Variants in KMT2C observed in about 807,000 individuals in gnomAD.
KMT2C encodes the protein histone-lysine N-methyltransferase 2C.
In KMT2C, 88 loss-of-function variants were observed where a neutral mutation model predicts 507.9. The ratio of observed to expected loss-of-function variants is 0.17; its 90% confidence interval spans 0.15 to 0.21. The LOEUF is 0.21. Ranked by LOEUF, KMT2C falls within the 10% of genes least tolerant of loss-of-function variation. The pLI, the probability that KMT2C is intolerant of heterozygous loss-of-function variation, is 1.00. For synonymous variants in KMT2C, 2,049 were observed against 2,080.8 expected (o/e 0.98, Z 0.42); for missense variants, 4,954 against 5,957.8 (o/e 0.83, Z 5.55).
chr7:152,290,006 A>T (rs1186621277), intron 6 of KMT2C, among the ~76,000 whole-genome samples: 2 of 151,924 alleles, frequency 1.3e-5, no homozygotes, highest in Non-Finnish European at 2.9e-5. Context: ...GCACCACTGC[A>T]TTCCAGCCTG....
chr7:152,326,518 T>C (rs1035319551), intron 3 of KMT2C, among the ~76,000 whole-genome samples: 2 of 152,180 alleles, frequency 1.3e-5, no homozygotes, highest in African/African-American at 4.8e-5. Flanking sequence ...TGTTATCTAG[T>C]AATCTTGCTA....
intron 33 of KMT2C, 58 bp from the exon 34 acceptor site, chr7:152,185,689 A>G (rs1563308507): frequency 7.7e-7 from 1 of 1,291,852 alleles, no homozygotes; most frequent in Non-Finnish European, 1.1e-6. Flanking sequence ...GATGTGTTGT[A>G]ATAAAGAATG....
chr7:152,175,025 G>A (rs556856351), intron 38 of KMT2C, among the ~76,000 whole-genome samples: 2 of 152,190 alleles, frequency 1.3e-5, no homozygotes, highest in South Asian at 4.2e-4. Flanking sequence ...TTGGAATGTA[G>A]GAACTAAGAA....
chr7:152,381,652 G>A (rs969435766), intron 1 of KMT2C, among the ~76,000 whole-genome samples: 8 of 152,380 alleles, frequency 5.3e-5, no homozygotes, highest in African/African-American at 1.9e-4. Flanking sequence ...TAGAAGTAAA[G>A]ATACCATGAA....
chr7:152,205,395 CAAAAAA>C (rs35077313), intron 24 of KMT2C, among the ~76,000 whole-genome samples, 170 bp from the exon 25 acceptor site: 2 of 57,190 alleles, frequency 3.5e-5, no homozygotes, highest in African/African-American at 1.2e-4. Context: ...TAAAAACGAC[CAAAAAA>C]AAAAAAAAAA....
chr7:152,264,409 C>G (rs2095828939), intron 8 of KMT2C, among the ~76,000 whole-genome samples: 1 of 152,000 alleles, frequency 6.6e-6, no homozygotes, highest in Non-Finnish European at 1.5e-5. Flanking sequence ...GGAGAAATGA[C>G]CAAGAGATGA....
At chr7:152,399,064 A>T (rs2097555212) in intron 1 of KMT2C, among the ~76,000 whole-genome samples, 1 of 152,046 alleles carries the variant, frequency 6.6e-6, no homozygotes, top group African/African-American at 2.4e-5. Context: ...CCTGAGCTCA[A>T]GCGATCCACC....
chr7:152,147,399 C>T (rs2091212302), intron 52 of KMT2C, among the ~76,000 whole-genome samples: 1 of 151,908 alleles, frequency 6.6e-6, no homozygotes, highest in South Asian at 2.1e-4. Flanking sequence ...AAAAGGGGGT[C>T]CCTGCCAGGT....
intron 6 of KMT2C, among the ~76,000 whole-genome samples, chr7:152,297,055 C>CAGACAGACAGACAGAGAG (rs1315629061): frequency 4.5e-4 from 38 of 84,432 alleles, no homozygotes; most frequent in Non-Finnish European, 6.4e-4. Flanking sequence ...GAAAGAAAGA[C>CAGACAGACAGACAGAGAG]AGAGAGAGAG....
rs553563699 is a variant in KMT2C at position 152,138,179 on chromosome 7, G to A, written c.14643+617C>T. 6.6e-6 allele frequency: 1 copy of A among 152,386 alleles called. No individual in the cohort carries two copies. Among genetic ancestry groups the A allele is most frequent in the South Asian group, 2.1e-4 (1 of 4,834 alleles). The allele number at this position is 152,386 out of a possible 1,614,324, so 9.4% of individuals were successfully genotyped here. ...GGTGGGAAGCAAATGCAGCAATTAA[G>A]GCCAAAAATAATCCCAATGGGTGAG... On this transcript the variant is annotated intron_variant, in intron 58 of 58. Transcript: ENST00000262189. This position sits in a 1 kb window ranked among gnomAD's most constrained non-coding sequence, Gnocchi z 4.2.
At position 152,150,921 on chromosome 7, in the gene KMT2C, T is replaced by C. The variant is rs1184699249; in HGVS notation, c.12753A>G (p.Gln4251=). ...TCACCTTGTTTTCTGAGTTTTTCGCTTGTGCAGTTGATGAATAAAGAATAA... is the reference window on the plus strand; with the variant it reads ...TCACCTTGTTTTCTGAGTTTTTCGCCTGTGCAGTTGATGAATAAAGAATAA... ...NCFILYSSTA[Q]AKNSENKESI... is the part of the protein sequence containing the mutation. The change falls in exon 51 of 59, where the codon CAA becomes CAG. Residue 4251 remains glutamine, a synonymous_variant. Transcript: ENST00000262189. The C allele has an allele frequency of 1.9e-6, 3 of 1,611,588 alleles. No individual in the cohort carries two copies. Among genetic ancestry groups the C allele is most frequent in the East Asian group, 2.2e-5 (1 of 44,856 alleles).
At chr7:152,365,646 A>G (rs1007362354) in intron 1 of KMT2C, among the ~76,000 whole-genome samples, 1 of 152,196 alleles carries the variant, frequency 6.6e-6, no homozygotes, top group Admixed American at 6.5e-5. Flanking sequence ...TTGGCTTCCC[A>G]TAGGGCTGGG....
Position 152,277,936 on chromosome 7 carries a change from T to C in KMT2C, c.850-4069A>G, listed in dbSNP as rs886341821. Among the ~76,000 whole-genome samples, 4 of 152,180 alleles carry C rather than the reference T, an allele frequency of 2.6e-5. No individual in the cohort carries two copies. In the East Asian group the frequency reaches 5.8e-4, roughly 22 times the overall value. On this transcript the variant is annotated intron_variant, in intron 6 of 58. Coordinates refer to ENST00000262189, the MANE Select transcript of KMT2C (RefSeq NM_170606.3). The stretch of plus-strand genomic sequence containing the variant: ...TGCAAAATATACTACATAACACATA[T>C]ACATATTTTACATATTACTACAGAC...
At chr7:152,170,977 T>C (rs572944322) in intron 40 of KMT2C, among the ~76,000 whole-genome samples, 73 of 152,350 alleles carry the variant, frequency 4.8e-4, no homozygotes, top group Middle Eastern at 6.8e-3. Context: ...ATAAATCCTT[T>C]TCAGAAATCA....
chr7:152,271,566 G>C (rs1277949282), intron 7 of KMT2C, among the ~76,000 whole-genome samples: 1 of 151,628 alleles, frequency 6.6e-6, no homozygotes, highest in Non-Finnish European at 1.5e-5. Context: ...CCAGCTACTT[G>C]GGAGGCTGAG....
In KMT2C at chr7:152,373,790, A is replaced by G. The variant is rs1589544315; in HGVS notation, c.162-15115T>C. Among the ~76,000 whole-genome samples, 3 of 152,322 alleles carry G rather than the reference A, an allele frequency of 2.0e-5. No homozygotes were observed. In the East Asian group the frequency reaches 5.8e-4, roughly 29 times the overall value. On this transcript the variant is annotated intron_variant, in intron 1 of 58. Coordinates refer to ENST00000262189, the MANE Select transcript of KMT2C (RefSeq NM_170606.3). ...TAATAGAAAGAGATATCAACAACAA[A>G]GTTACTAGGAATAACTTTAATAAGT...
chr7:152,302,390 A>G (rs1289102626), intron 6 of KMT2C, among the ~76,000 whole-genome samples: 1 of 151,720 alleles, frequency 6.6e-6, no homozygotes, highest in African/African-American at 2.4e-5. Context: ...TGCCAAGCTA[A>G]TTTTTGTATT....
intron 6 of KMT2C, among the ~76,000 whole-genome samples, chr7:152,300,600 T>C (rs2096557367): frequency 6.6e-6 from 1 of 152,218 alleles, no homozygotes; most frequent in Non-Finnish European, 1.5e-5. Flanking sequence ...ATTGAGGTCT[T>C]TCTACTATAT....
chr7:152,196,009 G>A lies in KMT2C; in HGVS notation c.4276C>T (p.Pro1426Ser). Reference sequence around the variant, plus strand: ...ATATCAGCTAATGGGTCATCAGCAGGACCTAAATATAGTAAATATGTTTTT... The same window carrying A: ...ATATCAGCTAATGGGTCATCAGCAGAACCTAAATATAGTAAATATGTTTTT... ...SAPTKSGTHGPADDPLADISE... is the reference protein window; with the variant it reads ...SAPTKSGTHGSADDPLADISE... Residue 1426 changes from proline (P) to serine (S), a missense_variant and splice_region_variant, in exon 28 of 59, where the codon CCT (proline) becomes TCT (serine). Physicochemically the swap from Pro to Ser is moderately conservative, Grantham distance 74. Around this residue, in one of 29 missense-constraint regions of KMT2C, gnomAD observed 140 missense variants for 118.4 expected, o/e 1.18. Coordinates refer to ENST00000262189, the MANE Select transcript of KMT2C (RefSeq NM_170606.3). 2 of 1,546,760 alleles carry A rather than the reference G, an allele frequency of 1.3e-6. No individual in the cohort carries two copies. The highest frequency in any genetic ancestry group is 2.3e-5 in the East Asian group (1 of 44,032).
Sources: gnomAD v4.1 joint callset for allele counts (sites outside exome capture counted in the v4.1 genomes callset) on GRCh38, gnomAD v4.1.1 for gene constraint, gnomAD v4.1.1 regional missense constraint, Gnocchi (gnomAD v3.1) non-coding constraint, MANE v1.5 for transcripts, NCBI Gene and HGNC (gene_info 2026-07-23, HGNC 2026-07-21) for gene names.